The following SESN1 variants were observed in gnomAD, a reference collection of about 807,000 sequenced individuals.
SESN1 encodes the protein sestrin-1.
SESN1 carries 30 observed loss-of-function variants against 59.3 expected under a neutral mutation model. The observed-to-expected ratio is 0.51, with a 90% CI of 0.38 to 0.69. The LOEUF (loss-of-function observed/expected upper bound fraction) is 0.69, where lower values mean the gene tolerates loss of function less well. SESN1 is among the 30% of genes least tolerant of loss of function. The probability of loss-of-function intolerance (pLI) is 0.00; values close to 1 mark genes in which losing one functional copy is unlikely to be tolerated. For missense variants in SESN1, 566 were observed against 673.0 expected, an observed-to-expected ratio of 0.84 and a Z score of 1.76; for synonymous variants, 197 against 219.9, an observed-to-expected ratio of 0.90 and a Z score of 0.92.
In SESN1 at chr6:109,093,990, A is replaced by C; in HGVS notation, c.84T>G (p.Ile28Met). 1.2e-6 allele frequency: 2 copies of C among 1,614,146 alleles called. No individual in the cohort carries two copies. Among genetic ancestry groups the C allele is most frequent in the South Asian group, 1.1e-5 (1 of 91,080 alleles). The change falls in exon 1 of 10, where the codon ATT (isoleucine) becomes ATG (methionine). Residue 28 changes from isoleucine to methionine, a missense_variant. By Grantham distance (10) the Ile-to-Met change is conservative. Transcript: ENST00000436639. Reference protein sequence around the residue: ...STTRETALENIRQTILRKTEY... With the variant: ...STTRETALENMRQTILRKTEY... The stretch of plus-strand genomic sequence containing the variant: ...CGGTTTTCCTCAAAATGGTTTGCCT[A>C]ATGTTTTCCAATGCTGTCTCCCTAG...
chr6:109,009,007 T>C, intron 1 of SESN1: 1 of 1,025,906 alleles, frequency 9.7e-7, no homozygotes, highest in Non-Finnish European at 1.2e-6. Context: ...ACTCGAGGTC[T>C]GCTGGATTTC....
chr6:109,005,903 A>G (rs1779722139), intron 1 of SESN1, among the ~76,000 whole-genome samples: 1 of 152,230 alleles, frequency 6.6e-6, no homozygotes. Flanking sequence ...TTGGCTGTCT[A>G]ATTTCTCAGA....
chr6:109,058,501 T>C (rs1780674061), intron 1 of SESN1, among the ~76,000 whole-genome samples: 1 of 152,146 alleles, frequency 6.6e-6, no homozygotes, highest in Non-Finnish European at 1.5e-5. Context: ...TGATGACATT[T>C]CTCAGAACAT....
chr6:108,997,464 G>T (rs1395585181), intron 5 of SESN1, among the ~76,000 whole-genome samples: 1 of 152,170 alleles, frequency 6.6e-6, no homozygotes, highest in African/African-American at 2.4e-5. Flanking sequence ...GTCTTTGGCA[G>T]TCCTATGATC....
At chr6:109,047,622 G>A (rs1330171919) in intron 1 of SESN1, among the ~76,000 whole-genome samples, 1 of 144,696 alleles carries the variant, frequency 6.9e-6, no homozygotes, top group Non-Finnish European at 1.5e-5. Context: ...GAACGGGCCA[G>A]GATGACAATG....
chr6:109,052,669 A>G (rs1407709001), intron 1 of SESN1, among the ~76,000 whole-genome samples: 1 of 152,218 alleles, frequency 6.6e-6, no homozygotes, highest in African/African-American at 2.4e-5. Context: ...CAGGTTTTAT[A>G]TAAGTTACTG....
At chr6:109,019,549 A>T (rs1779977114) in intron 1 of SESN1, among the ~76,000 whole-genome samples, 1 of 152,248 alleles carries the variant, frequency 6.6e-6, no homozygotes, top group Non-Finnish European at 1.5e-5. Flanking sequence ...AAGCATTATC[A>T]GTCCTTTCAG....
intron 1 of SESN1, among the ~76,000 whole-genome samples, chr6:109,070,983 C>T (rs1206032852): frequency 1.3e-5 from 2 of 152,150 alleles, no homozygotes; most frequent in East Asian, 3.8e-4. Context: ...TAGGGAAGGA[C>T]GTTTTCCTCC....
At chr6:109,012,736 G>A (rs1020161766) in intron 1 of SESN1, among the ~76,000 whole-genome samples, 4 of 152,144 alleles carry the variant, frequency 2.6e-5, no homozygotes, top group Admixed American at 2.6e-4. Context: ...AAAGGAAAGA[G>A]TGATCCATTA....
intron 1 of SESN1, among the ~76,000 whole-genome samples, chr6:109,011,492 CAA>C (rs769436507): frequency 6.6e-6 from 1 of 152,138 alleles, no homozygotes; most frequent in Non-Finnish European, 1.5e-5. Context: ...CTAAATTCCT[CAA>C]AGAGTACTAA....
intron 1 of SESN1, among the ~76,000 whole-genome samples, chr6:109,014,675 T>A (rs1779905821): frequency 6.6e-6 from 1 of 152,152 alleles, no homozygotes; most frequent in Admixed American, 6.5e-5. Flanking sequence ...GAATGGGTGA[T>A]CTTGGGCTTT....
At position 108,992,863 on chromosome 6, in the gene SESN1, C is replaced by G; in HGVS notation, c.1157G>C (p.Arg386Pro). 1 of 1,613,190 alleles carries G rather than the reference C, an allele frequency of 6.2e-7. No individual in the cohort carries two copies. The highest frequency in any genetic ancestry group is 8.5e-7 in the Non-Finnish European group (1 of 1,179,476). The change falls in exon 7 of 10, where the codon CGT (arginine) becomes CCT (proline). Residue 386 changes from arginine to proline, a missense_variant. By Grantham distance (103) the Arg-to-Pro change is moderately radical (BLOSUM62 -2). Coordinates refer to ENST00000436639, the MANE Select transcript of SESN1 (RefSeq NM_014454.3). The stretch of plus-strand genomic sequence containing the variant: ...GCCATAACTAGTATCCTCAAAATGA[C>G]GAGATACAGCTCTTGCTGGTGTAAC... ...EEVTPARAVS[R>P]HFEDTSYGYK... is the part of the protein sequence containing the mutation.
At chr6:109,053,964 ATT>A (rs1443278863) in intron 1 of SESN1, among the ~76,000 whole-genome samples, 1 of 152,002 alleles carries the variant, frequency 6.6e-6, no homozygotes, top group Non-Finnish European at 1.5e-5. Flanking sequence ...ACTTTGTGCA[ATT>A]TTAGTAGTTT....
chr6:109,023,386 ATCT>A (rs1211360766), intron 1 of SESN1, among the ~76,000 whole-genome samples: 6 of 152,206 alleles, frequency 3.9e-5, no homozygotes. Context: ...AATAAGGAAA[ATCT>A]TCTACCACTT....
chr6:109,015,234 A>G (rs1401213760), intron 1 of SESN1, among the ~76,000 whole-genome samples: 1 of 152,154 alleles, frequency 6.6e-6, no homozygotes, highest in Non-Finnish European at 1.5e-5. Context: ...CTGCTAAGCA[A>G]TCTGTCTTTC....
At chr6:109,045,457 TA>T (rs1244374553) in intron 1 of SESN1, among the ~76,000 whole-genome samples, 1 of 128,402 alleles carries the variant, frequency 7.8e-6, no homozygotes, top group Non-Finnish European at 1.5e-5. Context: ...TCACATGGCA[TA>T]TAATTCCATT....
chr6:109,081,833 G>A (rs1414546808), intron 1 of SESN1, among the ~76,000 whole-genome samples: 2 of 152,174 alleles, frequency 1.3e-5, no homozygotes, highest in South Asian at 2.1e-4. Flanking sequence ...GATACAGAAA[G>A]CACTGTTTTG....
At chr6:109,014,006 CTT>C (rs201087997) in intron 1 of SESN1, among the ~76,000 whole-genome samples, 1 of 143,502 alleles carries the variant, frequency 7.0e-6, no homozygotes, top group Admixed American at 7.0e-5. Flanking sequence ...TTGCTCTATA[CTT>C]TTTTTTTTTT....
intron 7 of SESN1, among the ~76,000 whole-genome samples, 160 bp downstream of exon 7, chr6:108,992,627 G>C (rs1174690660): frequency 6.6e-6 from 1 of 152,128 alleles, no homozygotes; most frequent in Non-Finnish European, 1.5e-5. Flanking sequence ...ATGATTCCAT[G>C]GATGAATTAG....
Sources: gnomAD v4.1 joint callset for allele counts (sites outside exome capture counted in the v4.1 genomes callset) on GRCh38, gnomAD v4.1.1 for gene constraint, MANE v1.5 for transcripts, NCBI Gene and HGNC (gene_info 2026-07-23, HGNC 2026-07-21) for gene names.